ACBD6: variants seen among roughly 807,000 people sequenced by gnomAD.
ACBD6 encodes the protein acyl-CoA-binding domain-containing protein 6.
In ACBD6, 28 loss-of-function variants were observed where a neutral mutation model predicts 37.2. That is an observed-to-expected ratio of 0.75 (90% CI 0.56 to 1.03). The LOEUF is 1.03. Among genes scored for constraint, ACBD6 ranks in the 50% least tolerant of loss-of-function variants. ACBD6 has a pLI of 0.00. For synonymous variants in ACBD6, 113 were observed against 126.8 expected, an observed-to-expected ratio of 0.89 and a Z score of 0.73; for missense variants, 340 against 337.4, an observed-to-expected ratio of 1.01 and a Z score of -0.06.
intron 4 of ACBD6, among the ~76,000 whole-genome samples, chr1:180,424,692 G>A (rs1648512979): frequency 6.6e-6 from 1 of 152,042 alleles, no homozygotes; most frequent in Non-Finnish European, 1.5e-5. Flanking sequence ...TAAGGATATG[G>A]GAAGAAGAGA....
At chr1:180,491,754 C>G (rs143497541) in intron 3 of ACBD6, among the ~76,000 whole-genome samples, 1 of 152,292 alleles carries the variant, frequency 6.6e-6, no homozygotes, top group Non-Finnish European at 1.5e-5. Flanking sequence ...CTCTGCAACT[C>G]AGAGAAGTTC....
intron 3 of ACBD6, among the ~76,000 whole-genome samples, chr1:180,461,526 T>C (rs999753530): frequency 6.6e-6 from 1 of 152,084 alleles, no homozygotes; most frequent in African/African-American, 2.4e-5. Flanking sequence ...AAAGGCCAGG[T>C]AGTCTACAAA....
intron 6 of ACBD6, among the ~76,000 whole-genome samples, chr1:180,391,623 G>T (rs1041964104): frequency 1.3e-5 from 2 of 152,046 alleles, no homozygotes; most frequent in Non-Finnish European, 2.9e-5. Context: ...CATACCTTAG[G>T]GTGGCTATAA....
chr1:180,458,269 T>C (rs1027065859), intron 3 of ACBD6, among the ~76,000 whole-genome samples: 1 of 152,218 alleles, frequency 6.6e-6, no homozygotes, highest in African/African-American at 2.4e-5. Context: ...ACACATGCCA[T>C]ATTATGGGGC....
chr1:180,501,913 A>C (rs1651994651), intron 1 of ACBD6, 132 bp downstream of exon 1: 2 of 893,332 alleles, frequency 2.2e-6, no homozygotes, highest in Non-Finnish European at 3.5e-6. Flanking sequence ...GTCAAAAAAA[A>C]AAAAACAAAA....
chr1:180,415,346 G>A (rs1468827625), intron 4 of ACBD6, among the ~76,000 whole-genome samples: 2 of 151,492 alleles, frequency 1.3e-5, no homozygotes, highest in African/African-American at 2.4e-5. Flanking sequence ...GCAGTGAGCC[G>A]AGATCATACC....
At chr1:180,365,570 A>T (rs548042662) in intron 6 of ACBD6, among the ~76,000 whole-genome samples, 4 of 152,302 alleles carry the variant, frequency 2.6e-5, no homozygotes, top group Admixed American at 2.6e-4. Flanking sequence ...TATTAATTAC[A>T]TCCTAATAAT....
intron 6 of ACBD6, among the ~76,000 whole-genome samples, chr1:180,342,739 C>G (rs1347647468): frequency 6.6e-6 from 1 of 151,972 alleles, no homozygotes; most frequent in Non-Finnish European, 1.5e-5. Flanking sequence ...CATTTTTTCT[C>G]AATAATCTCA....
Position 180,306,436 on chromosome 1 carries a change from C to T in ACBD6, c.694+8256G>A, listed in dbSNP as rs58521362. ...TCATTATTAGACTCTCAGAAGCACG[C>T]GTGCCCTGTTAACCCCTTCTAGTTG... On this transcript the variant is annotated intron_variant, in intron 7 of 7. Coordinates refer to ENST00000367595, the MANE Select transcript of ACBD6 (RefSeq NM_032360.4). Among the ~76,000 whole-genome samples the T allele has an allele frequency of 7.0e-3, 1,068 of 152,236 alleles. 19 individuals are homozygous for T. Among genetic ancestry groups the T allele is most frequent in the African/African-American group, 0.024 (1,013 of 41,516 alleles).
At chr1:180,434,500 C>T (rs1280246153) in intron 3 of ACBD6, among the ~76,000 whole-genome samples, 1 of 152,140 alleles carries the variant, frequency 6.6e-6, no homozygotes, top group African/African-American at 2.4e-5. Flanking sequence ...AAACAATTGT[C>T]ATCTATTGCA....
At chr1:180,280,666 C>A (rs1014695791) in intron 9 of ACBD6, among the ~76,000 whole-genome samples, 6 of 152,108 alleles carry the variant, frequency 3.9e-5, no homozygotes, top group African/African-American at 1.4e-4. Flanking sequence ...CTGAGAAAGG[C>A]AAGAGATCTT....
intron 6 of ACBD6, among the ~76,000 whole-genome samples, chr1:180,316,409 T>C (rs989112080): frequency 6.6e-6 from 1 of 152,066 alleles, no homozygotes; most frequent in Admixed American, 6.6e-5. Context: ...TAAATGTGAA[T>C]GTCCTGCATT....
At chr1:180,435,256 A>ATTT in intron 3 of ACBD6, 1 of 557,360 alleles carries the variant, frequency 1.8e-6, no homozygotes, top group Admixed American at 2.4e-5. Context: ...TACCAGATGC[A>ATTT]TTTTTTTTTT....
chr1:180,320,386 A>G (rs1033044324), intron 6 of ACBD6, among the ~76,000 whole-genome samples: 2 of 152,212 alleles, frequency 1.3e-5, no homozygotes, highest in African/African-American at 4.8e-5. Flanking sequence ...CTGTAATTCT[A>G]GCACTTTGGG....
intron 1 of ACBD6, among the ~76,000 whole-genome samples, chr1:180,501,258 C>A (rs998499746): frequency 2.0e-5 from 3 of 152,144 alleles, no homozygotes; most frequent in African/African-American, 7.2e-5. Flanking sequence ...AAGACATACT[C>A]AACGAAAACA....
intron 6 of ACBD6, among the ~76,000 whole-genome samples, chr1:180,337,663 G>A (rs1298112911): frequency 6.6e-6 from 1 of 152,142 alleles, no homozygotes; most frequent in African/African-American, 2.4e-5. Context: ...GGGCAATCAG[G>A]CAGGAAAAGG....
At position 180,368,832 on chromosome 1, in the gene ACBD6, G is replaced by A. The variant is rs75614832; in HGVS notation, c.663+28684C>T. Among the ~76,000 whole-genome samples, 471 of 152,002 alleles carry A rather than the reference G, an allele frequency of 3.1e-3. 2 individuals are homozygous for A. The highest frequency in any genetic ancestry group is 4.6e-3 in the Non-Finnish European group (314 of 67,964). ...CTGTCATAAAAGTTATGTGTATGTG[G>A]TATCCTTTCCTCTCCTCTCAAAACA... On this transcript the variant is annotated intron_variant, in intron 6 of 7. Transcript: ENST00000367595.
At chr1:180,497,893 T>G (rs1170856453) in intron 1 of ACBD6, among the ~76,000 whole-genome samples, 1 of 152,216 alleles carries the variant, frequency 6.6e-6, no homozygotes, top group Non-Finnish European at 1.5e-5. Flanking sequence ...ATTGTAGATA[T>G]TCTTCTTTGA....
At chr1:180,501,978 C>T (rs966038321) in intron 1 of ACBD6, 67 bp downstream of exon 1, 1 of 1,470,770 alleles carries the variant, frequency 6.8e-7, no homozygotes, top group African/African-American at 1.4e-5. Flanking sequence ...TACATGCTTG[C>T]TATCAGTTGT....
Sources: allele counts gnomAD v4.1 joint callset (sites outside exome capture counted in the v4.1 genomes callset), GRCh38; gene constraint gnomAD v4.1.1; transcripts MANE v1.5; gene names NCBI Gene and HGNC (gene_info 2026-07-23, HGNC 2026-07-21).